SH3BP1: variants seen among roughly 807,000 people sequenced by gnomAD.
The protein encoded by SH3BP1 is SH3 domain binding protein 1.
A neutral mutation model predicts 69.8 loss-of-function variants in SH3BP1; 46 were observed. That is an observed-to-expected ratio of 0.66 (90% CI 0.52 to 0.84). The LOEUF is 0.84. Ranked by LOEUF, SH3BP1 falls within the 40% of genes least tolerant of loss-of-function variation. The pLI is 0.00. For missense variants in SH3BP1, 868 were observed against 930.9 expected, an observed-to-expected ratio of 0.93 and a Z score of 0.88; for synonymous variants, 403 against 378.0, an observed-to-expected ratio of 1.07 and a Z score of -0.77.
rs769936429 is a variant in SH3BP1, at chr22:37,642,679, G to A, written c.284+64G>A. 1.9e-6 allele frequency: 3 copies of A among 1,611,212 alleles called. No individual in the cohort carries two copies. In the Admixed American group the frequency reaches 5.0e-5, roughly 27 times the overall value. Reference sequence around the variant, plus strand: ...CAAGACGTGATCTCAGCTGGGAGGGGGTCCAGGTGGTGAGGGCATCCACAT... The same window carrying A: ...CAAGACGTGATCTCAGCTGGGAGGGAGTCCAGGTGGTGAGGGCATCCACAT... On this transcript the variant is annotated intron_variant, in intron 4 of 17. Transcript: ENST00000649765.
At position 37,656,032 on chromosome 22, in the gene SH3BP1, G is replaced by C. The variant is rs780340184; in HGVS notation, c.*348G>C. 7.1e-7 allele frequency: 1 copy of C among 1,405,926 alleles called. No homozygotes were observed. The highest frequency in any genetic ancestry group is 9.4e-7 in the Non-Finnish European group (1 of 1,058,636). 87.1% of individuals were successfully genotyped at this position (1,405,926 alleles called of 1,614,324 possible). ...TAAGGCTGGTAAATAAATTATTTTG[G>C]ACAAAACTGGAGCAGCTGCCCAAAT... On this transcript the variant is annotated 3_prime_UTR_variant, in exon 18 of 18. Transcript: ENST00000649765.
chr22:37,655,744 A>T lies in SH3BP1; in HGVS notation c.*60A>T. Reference sequence around the variant, plus strand: ...CCCTCCCTCCCCACCTGGCCCTCCCAGGACAGCTCTCGCCCCCCACAAAGG... The same window carrying T: ...CCCTCCCTCCCCACCTGGCCCTCCCTGGACAGCTCTCGCCCCCCACAAAGG... On this transcript the variant is annotated 3_prime_UTR_variant, in exon 18 of 18. Transcript: ENST00000649765. 1 of 1,434,002 alleles carries T rather than the reference A, an allele frequency of 7.0e-7. No homozygotes were observed. Among genetic ancestry groups the T allele is most frequent in the South Asian group, 1.5e-5 (1 of 67,300 alleles). The allele number at this position is 1,434,002 out of a possible 1,614,324, so 88.8% of individuals were successfully genotyped here.
intron 1 of SH3BP1, 67 bp downstream of exon 1, chr22:37,639,913 G>T: frequency 2.4e-6 from 3 of 1,238,716 alleles, no homozygotes; most frequent in African/African-American, 1.6e-5. Context: ...AAAAGGGTCG[G>T]GGGAGACGGG....
chr22:37,641,051 G>A, intron 1 of SH3BP1, 75 bp from the exon 2 acceptor site: 1 of 1,007,770 alleles, frequency 9.9e-7, no homozygotes. Flanking sequence ...CTGCGGGGAA[G>A]GGAAGTAGGG....
chr22:37,650,265 G>T lies in SH3BP1; in HGVS notation c.1414+16G>T. ...TTCCCTGGAGGTGAAGCTCCTGCCT[G>T]CATGGACGCCCTGCTGGGTGCCCTC... On this transcript the variant is annotated intron_variant, in intron 15 of 17. Coordinates refer to ENST00000649765, the MANE Select transcript of SH3BP1 (RefSeq NM_018957.6). 4 of 1,588,834 alleles carry T rather than the reference G, an allele frequency of 2.5e-6. No homozygotes were observed. Among genetic ancestry groups the T allele is most frequent in the Non-Finnish European group, 3.4e-6 (4 of 1,166,602 alleles).
chr22:37,655,720 C>G lies in SH3BP1; in HGVS notation c.*36C>G. 2.8e-6 allele frequency: 4 copies of G among 1,451,450 alleles called. No homozygotes were observed. Among genetic ancestry groups the G allele is most frequent in the Non-Finnish European group, 3.6e-6 (4 of 1,101,224 alleles). 89.9% of individuals were successfully genotyped at this position (1,451,450 alleles called of 1,614,324 possible). ...TCTCCCTAAGCAGCCCTCAGCACCC[C>G]CTCCCTCCCCACCTGGCCCTCCCAG... is the stretch of plus-strand genomic sequence containing the variant. On this transcript the variant is annotated 3_prime_UTR_variant, in exon 18 of 18. Transcript: ENST00000649765.
In SH3BP1 at chr22:37,641,467, G is replaced by A; in HGVS notation, c.196G>A (p.Asp66Asn). The A allele has an allele frequency of 6.4e-7, 1 of 1,550,698 alleles. No individual in the cohort carries two copies. ...GCAGGGCCAGAGCGGGGCAGACATG[G>A]ACAAGCGGGTGGTGAGTGGGGGGTC... Reference protein sequence around the residue: ...CLQGQSGADMDKRVKKLPLMA... With the variant: ...CLQGQSGADMNKRVKKLPLMA... The change falls in exon 3 of 18, where the codon GAC (aspartate) becomes AAC (asparagine). Residue 66 changes from aspartate to asparagine, a missense_variant. Coordinates refer to ENST00000649765, the MANE Select transcript of SH3BP1 (RefSeq NM_018957.6).
chr22:37,647,360 G>A lies in SH3BP1; in HGVS notation c.1118+12G>A. On this transcript the variant is annotated intron_variant, in intron 12 of 17. Transcript: ENST00000649765. ...ATGAGGGCAGCCAGGTGAGGATGTT[G>A]GAGGAGGGAGGGGATGGGGAGGAGG... 2 of 1,613,868 alleles carry A rather than the reference G, an allele frequency of 1.2e-6. No homozygotes were observed. Among genetic ancestry groups the A allele is most frequent in the Non-Finnish European group, 1.7e-6 (2 of 1,179,812 alleles).
rs762234615 is a variant in SH3BP1, at chr22:37,641,426, G to T, written c.155G>T (p.Arg52Leu). The change falls in exon 3 of 18, where the codon CGG becomes CTG. Residue 52 changes from arginine (R) to leucine (L), a missense_variant. This residue lies in a region of SH3BP1 where 387 missense variants were observed against 447.9 expected (regional missense o/e 0.86). Coordinates refer to ENST00000649765, the MANE Select transcript of SH3BP1 (RefSeq NM_018957.6). The stretch of plus-strand genomic sequence containing the variant: ...CGGGCAGCCCACAACATCCACAAGC[G>T]GCTGCAGGCCTGTCTGCAGGGCCAG... ...AKRAAHNIHK[R>L]LQACLQGQSG... is the part of the protein sequence containing the mutation. The T allele has an allele frequency of 5.8e-6, 9 of 1,551,084 alleles. No homozygotes were observed. The highest frequency in any genetic ancestry group is 1.4e-5 in the African/African-American group (1 of 73,090).
chr22:37,645,960 CTTTTTTTTTT>C (rs11329854), intron 10 of SH3BP1, among the ~76,000 whole-genome samples: 2 of 126,264 alleles, frequency 1.6e-5, no homozygotes, highest in East Asian at 4.6e-4. Context: ...CTCCCTTACA[CTTTTTTTTTT>C]TTTTTTTTTT....
At chr22:37,641,230 G>T in intron 2 of SH3BP1, 62 bp downstream of exon 2, 1 of 1,534,310 alleles carries the variant, frequency 6.5e-7, no homozygotes. Context: ...GGAGCAGAGG[G>T]CCGGGGCGGG....
intron 2 of SH3BP1, 60 bp downstream of exon 2, chr22:37,641,228 G>A: frequency 6.5e-7 from 1 of 1,533,020 alleles, no homozygotes; most frequent in Non-Finnish European, 8.8e-7. Flanking sequence ...TCGGAGCAGA[G>A]GGCCGGGGCG....
Position 37,643,793 on chromosome 22 carries a change from G to C in SH3BP1, c.618+5G>C. 6.2e-7 allele frequency: 1 copy of C among 1,612,286 alleles called. No individual in the cohort carries two copies. The highest frequency in any genetic ancestry group is 8.5e-7 in the Non-Finnish European group (1 of 1,179,824). On this transcript the variant is annotated splice_donor_5th_base_variant and intron_variant, in intron 7 of 17. Coordinates refer to ENST00000649765, the MANE Select transcript of SH3BP1 (RefSeq NM_018957.6). ...AGGAAAGTGGAGCAATGCAGGGTGA[G>C]GGCCATGGGGGTCCCCTGGATATGT...
intron 1 of SH3BP1, 120 bp downstream of exon 1, chr22:37,639,966 G>A (rs1932521828): frequency 1.4e-6 from 1 of 702,114 alleles, no homozygotes; most frequent in Non-Finnish European, 2.2e-6. Context: ...CCCTCTGAGC[G>A]GCCAGACTCC....
At chr22:37,639,958 C>T in intron 1 of SH3BP1, 112 bp downstream of exon 1, 1 of 768,912 alleles carries the variant, frequency 1.3e-6, no homozygotes, top group Non-Finnish European at 2.0e-6. Context: ...GGCAGCCACC[C>T]TCTGAGCGGC....
intron 1 of SH3BP1, chr22:37,640,548 A>C: frequency 1.3e-5 from 2 of 153,390 alleles, no homozygotes; most frequent in Non-Finnish European, 1.5e-5. Context: ...CAGGGAGGGG[A>C]CTGGGTGTCC....
At chr22:37,648,685 C>A in intron 14 of SH3BP1, 1 of 413,808 alleles carries the variant, frequency 2.4e-6, no homozygotes, top group Non-Finnish European at 4.3e-6. Context: ...GAGCTGGGAG[C>A]CCAGAGATCG....
chr22:37,655,487 C>T lies in SH3BP1; in HGVS notation c.1909C>T (p.Arg637Cys), dbSNP rs1472327496. Residue 637 changes from arginine to cysteine, a missense_variant, in exon 18 of 18, where the codon CGT (arginine) becomes TGT (cysteine). Physicochemically the swap from Arg to Cys is radical, Grantham distance 180. Transcript: ENST00000649765. Reference protein sequence around the residue: ...PPQPARRQSRRSPASPSPASP... With the variant: ...PPQPARRQSRCSPASPSPASP... ...TCAGCCTGCCCGGCGCCAAAGCCGG[C>T]GTTCACCAGCCTCCCCCAGCCCGGC... The T allele has an allele frequency of 4.7e-6, 7 of 1,499,098 alleles. No individual in the cohort carries two copies. The highest frequency in any genetic ancestry group is 4.3e-5 in the African/African-American group (3 of 69,526). 92.9% of individuals were successfully genotyped at this position (1,499,098 alleles called of 1,614,324 possible).
Position 37,639,734 on chromosome 22 carries a change from T to A in SH3BP1, c.-54T>A. ...AGGAGAGGCAGGCTGGACCGGGGGCTCCCCGGGCCCGCGACCCCCGCCGTG... is the reference window on the plus strand; with the variant it reads ...AGGAGAGGCAGGCTGGACCGGGGGCACCCCGGGCCCGCGACCCCCGCCGTG... On this transcript the variant is annotated 5_prime_UTR_variant, in exon 1 of 18. Transcript: ENST00000649765. 1 of 1,187,862 alleles carries A rather than the reference T, an allele frequency of 8.4e-7. No individual in the cohort carries two copies. Among genetic ancestry groups the A allele is most frequent in the East Asian group, 3.2e-5 (1 of 31,188 alleles). The allele number at this position is 1,187,862 out of a possible 1,614,324, so 73.6% of individuals were successfully genotyped here.
Sources: allele counts gnomAD v4.1 joint callset (sites outside exome capture counted in the v4.1 genomes callset), GRCh38; gene constraint gnomAD v4.1.1; regional missense constraint gnomAD v4.1.1; transcripts MANE v1.5; gene names NCBI Gene and HGNC (gene_info 2026-07-23, HGNC 2026-07-21).